The following CEP128 variants were observed in gnomAD, a reference collection of about 807,000 sequenced individuals.
CEP128 encodes the protein centrosomal protein 128.
A neutral mutation model predicts 156.7 loss-of-function variants in CEP128; 132 were observed. The ratio of observed to expected loss-of-function variants is 0.84; its 90% CI spans 0.73 to 0.97. The LOEUF (loss-of-function observed/expected upper bound fraction) is 0.97. CEP128 is among the 50% of genes least tolerant of loss of function. CEP128 has a pLI of 0.00. For missense variants in CEP128, 1,252 were observed against 1,281.9 expected, an observed-to-expected ratio of 0.98 and a Z score of 0.36; for synonymous variants, 469 against 448.9, an observed-to-expected ratio of 1.04 and a Z score of -0.57.
intron 5 of CEP128, chr14:80,905,459 A>C (rs895224223): frequency 6.5e-6 from 1 of 155,020 alleles, no homozygotes; most frequent in Non-Finnish European, 1.4e-5. Flanking sequence ...TTTTCGATTC[A>C]AACATGAATC....
chr14:80,539,690 A>C (rs894582665), intron 21 of CEP128, among the ~76,000 whole-genome samples: 2 of 152,146 alleles, frequency 1.3e-5, no homozygotes, highest in African/African-American at 4.8e-5. Flanking sequence ...ATAAGGTCTG[A>C]CTGCCTGCGG....
Position 80,827,165 on chromosome 14 carries a change from A to C in CEP128, c.1209+3978T>G, listed in dbSNP as rs189927982. ...GTAAGATATAGCAAAGGTCCCCTTA[A>C]ATACTGACAAATCTTCCAGAAATGG... On this transcript the variant is annotated intron_variant, in intron 13 of 24. Coordinates refer to ENST00000555265, the MANE Select transcript of CEP128 (RefSeq NM_152446.5). Among the ~76,000 whole-genome samples, 53 of 152,358 alleles carry C rather than the reference A, an allele frequency of 3.5e-4. 1 individual carries two copies. The highest frequency in any genetic ancestry group is 6.8e-3 in the Middle Eastern group (2 of 294).
chr14:80,932,275 C>G (rs1362045763), intron 2 of CEP128, among the ~76,000 whole-genome samples: 2 of 152,154 alleles, frequency 1.3e-5, no homozygotes, highest in Admixed American at 6.5e-5. Context: ...GAGAATGGAC[C>G]AACATACTTC....
At chr14:80,637,616 A>G (rs1335686808) in intron 19 of CEP128, among the ~76,000 whole-genome samples, 1 of 152,216 alleles carries the variant, frequency 6.6e-6, no homozygotes, top group African/African-American at 2.4e-5. Flanking sequence ...TCACTGTATT[A>G]CTTAAATATG....
intron 13 of CEP128, chr14:80,822,752 A>G: frequency 1.3e-6 from 1 of 795,138 alleles, no homozygotes; most frequent in Admixed American, 1.7e-5. Flanking sequence ...AGATGCCAAA[A>G]CAGACCAGGC....
At chr14:80,830,340 T>C (rs1404527876) in intron 13 of CEP128, 2 of 454,396 alleles carry the variant, frequency 4.4e-6, no homozygotes, top group Non-Finnish European at 7.9e-6. Flanking sequence ...CTTTGGGTTA[T>C]ATAAAATTAG....
intron 19 of CEP128, among the ~76,000 whole-genome samples, chr14:80,722,450 C>G (rs1405946520): frequency 6.6e-6 from 1 of 151,904 alleles, no homozygotes; most frequent in African/African-American, 2.4e-5. Context: ...TGTGTAAAAT[C>G]CATACACATA....
chr14:80,863,195 T>C (rs1034773981), intron 8 of CEP128, among the ~76,000 whole-genome samples: 2 of 152,216 alleles, frequency 1.3e-5, no homozygotes, highest in Non-Finnish European at 2.9e-5. Context: ...TCTGGTGAGT[T>C]AGAATGAAAA....
chr14:80,696,742 A>T (rs1896904788), intron 19 of CEP128, among the ~76,000 whole-genome samples: 1 of 152,210 alleles, frequency 6.6e-6, no homozygotes, highest in African/African-American at 2.4e-5. Context: ...AGATTTCAGT[A>T]GGTTGAAGAA....
At position 80,893,977 on chromosome 14, in the gene CEP128, T is replaced by C. The variant is rs58133007; in HGVS notation, c.645+1741A>G. 7.4e-3 allele frequency among the ~76,000 whole-genome samples: 1,121 copies of C among 152,136 alleles called. 16 individuals are homozygous for C. Among genetic ancestry groups the C allele is most frequent in the African/African-American group, 0.025 (1,024 of 41,568 alleles). On this transcript the variant is annotated intron_variant, in intron 8 of 24. Transcript: ENST00000555265. ...CAATTAAACATTCACATGAAATGTATTCCTCCTAATTCATACCACAAATAC... is the reference window on the plus strand; with the variant it reads ...CAATTAAACATTCACATGAAATGTACTCCTCCTAATTCATACCACAAATAC...
chr14:80,935,662 A>AAC (rs1349889375), intron 2 of CEP128, among the ~76,000 whole-genome samples: 2 of 147,166 alleles, frequency 1.4e-5, no homozygotes, highest in Non-Finnish European at 3.0e-5. Flanking sequence ...AAAAAAAAAA[A>AAC]AAAAAACAGA....
chr14:80,560,969 T>C (rs186544455), intron 20 of CEP128, among the ~76,000 whole-genome samples: 16 of 152,152 alleles, frequency 1.1e-4, no homozygotes, highest in African/African-American at 3.4e-4. Context: ...GAGAGAAAAA[T>C]GGCGCACAGA....
chr14:80,575,473 A>G (rs1041126787), intron 20 of CEP128, among the ~76,000 whole-genome samples: 3 of 152,172 alleles, frequency 2.0e-5, no homozygotes, highest in African/African-American at 7.2e-5. Flanking sequence ...ATCTGATGAA[A>G]ATATGAATTT....
chr14:80,947,977 C>T (rs28376437), intron 2 of CEP128, among the ~76,000 whole-genome samples: 10,143 of 152,246 alleles, frequency 0.067, 1,126 homozygotes, highest in African/African-American at 0.23. Flanking sequence ...TGCTTTGTTC[C>T]CTCTAGCCAA....
intron 19 of CEP128, among the ~76,000 whole-genome samples, chr14:80,723,069 G>A (rs1188146709): frequency 6.6e-6 from 1 of 151,732 alleles, no homozygotes. Context: ...CTTGTGATCC[G>A]CCCGCCTCGG....
At chr14:80,482,292 A>G (rs1887070295) in intron 14 of CEP128, among the ~76,000 whole-genome samples, 1 of 152,252 alleles carries the variant, frequency 6.6e-6, no homozygotes. Context: ...CTTCAAAACA[A>G]AAGTCACTGA....
intron 2 of CEP128, among the ~76,000 whole-genome samples, chr14:80,953,524 G>T (rs908820250): frequency 7.2e-5 from 11 of 152,240 alleles, no homozygotes; most frequent in African/African-American, 2.7e-4. Flanking sequence ...GGCGGAGGTT[G>T]CAGTGAGCCA....
intron 2 of CEP128, among the ~76,000 whole-genome samples, chr14:80,956,383 C>T (rs1886686622): frequency 6.6e-6 from 1 of 152,172 alleles, no homozygotes; most frequent in African/African-American, 2.4e-5. Context: ...AAGTTACTTA[C>T]TCAAATGTGA....
intron 8 of CEP128, among the ~76,000 whole-genome samples, chr14:80,867,981 A>G (rs1369900706): frequency 2.0e-5 from 3 of 152,176 alleles, no homozygotes; most frequent in Non-Finnish European, 2.9e-5. Context: ...AACTCATCAC[A>G]TACAAGGGAA....
Sources: gnomAD v4.1 joint callset for allele counts (sites outside exome capture counted in the v4.1 genomes callset) on GRCh38, gnomAD v4.1.1 for gene constraint, MANE v1.5 for transcripts, NCBI Gene and HGNC (gene_info 2026-07-23, HGNC 2026-07-21) for gene names.